The following PXDNL variants were observed in gnomAD, a reference collection of about 807,000 sequenced individuals.
The protein encoded by PXDNL is peroxidasin like.
Under a neutral mutation model 150.8 loss-of-function variants are expected in PXDNL, and 145 were observed. The ratio of observed to expected loss-of-function variants is 0.96; its 90% confidence interval spans 0.84 to 1.10. The LOEUF is 1.10. PXDNL is among the 50% of genes least tolerant of loss of function. PXDNL has a pLI of 0.00. For missense variants in PXDNL, 2,087 were observed against 1,873.9 expected, an observed-to-expected ratio of 1.11 and a Z score of -2.10; for synonymous variants, 757 against 725.7, an observed-to-expected ratio of 1.04 and a Z score of -0.69.
At position 51,409,532 on chromosome 8, in the gene PXDNL, G is replaced by A. The variant is rs958208659; in HGVS notation, c.2092C>T (p.Arg698Cys). 82 of 1,600,586 alleles carry A rather than the reference G, an allele frequency of 5.1e-5. No homozygotes were observed. The highest frequency in any genetic ancestry group is 6.9e-5 in the Non-Finnish European group (81 of 1,173,322). The part of the protein sequence containing the change: ...EFRYNDLVSP[R>C]SLSLIANLSG... ...AAATTGGCGATGAGGCTGAGGGAGCGCGGGGACACCAAGTCATTGTACCGG... is the reference window on the plus strand; with the variant it reads ...AAATTGGCGATGAGGCTGAGGGAGCACGGGGACACCAAGTCATTGTACCGG... Residue 698 changes from arginine (R) to cysteine (C), a missense_variant, in exon 17 of 23, where the codon CGC (arginine) becomes TGC (cysteine). Arg to Cys is a radical substitution (Grantham distance 180). Coordinates refer to ENST00000356297, the MANE Select transcript of PXDNL (RefSeq NM_144651.5).
At chr8:51,731,157 C>T (rs539267687) in intron 1 of PXDNL, among the ~76,000 whole-genome samples, 3 of 152,254 alleles carry the variant, frequency 2.0e-5, no homozygotes, top group Non-Finnish European at 4.4e-5. Flanking sequence ...AAGACAAGTC[C>T]CTTCCACCTA....
chr8:51,792,974 G>A (rs184698878), intron 1 of PXDNL, among the ~76,000 whole-genome samples: 2 of 152,292 alleles, frequency 1.3e-5, no homozygotes, highest in African/African-American at 4.8e-5. Flanking sequence ...TATCCACCAA[G>A]GGGCAGCTAG....
In PXDNL at chr8:51,320,819, A is replaced by G; in HGVS notation, c.4225T>C (p.Trp1409Arg). 2 of 1,613,934 alleles carry G rather than the reference A, an allele frequency of 1.2e-6. No individual in the cohort carries two copies. Among genetic ancestry groups the G allele is most frequent in the Non-Finnish European group, 8.5e-7 (1 of 1,179,836 alleles). The change falls in exon 22 of 23, where the codon TGG becomes CGG. Residue 1409 changes from tryptophan to arginine, a missense_variant. By Grantham distance (101) the Trp-to-Arg change is moderately radical (BLOSUM62 -3). Coordinates refer to ENST00000356297, the MANE Select transcript of PXDNL (RefSeq NM_144651.5). The stretch of plus-strand genomic sequence containing the variant: ...CAGTGAGTGCAGTCTTCTTTCATCC[A>G]GCGCTCCTCGGCCTTCCTTGGAACC... ...RGVPRKAEERWMKEDCTHCIC... is the reference protein window; with the variant it reads ...RGVPRKAEERRMKEDCTHCIC...
At chr8:51,363,561 G>T (rs1167050077) in intron 19 of PXDNL, among the ~76,000 whole-genome samples, 1 of 152,116 alleles carries the variant, frequency 6.6e-6, no homozygotes, top group East Asian at 1.9e-4. Context: ...ACAGGACAGG[G>T]ATTTTCACAG....
In PXDNL at chr8:51,413,329, GCATTACATTTTTAAATGTAATGC is replaced by G; in HGVS notation, c.1796-94_1796-72del. Reference sequence around the variant, plus strand: ...AGTTAGGCATGATATTATATGAATGGCATTACATTTTTAAATGTAATGCCATTACATTTAAAACCTCTAAGACA... The same window carrying G: ...AGTTAGGCATGATATTATATGAATGGCATTACATTTAAAACCTCTAAGACA... On this transcript the variant is annotated intron_variant, in intron 14 of 22. Coordinates refer to ENST00000356297, the MANE Select transcript of PXDNL (RefSeq NM_144651.5). 4 of 841,390 alleles carry G rather than the reference GCATTACATTTTTAAATGTAATGC, an allele frequency of 4.8e-6. No individual in the cohort carries two copies. In the South Asian group the frequency reaches 5.9e-5, roughly 12 times the overall value. 52.1% of individuals were successfully genotyped at this position (841,390 alleles called of 1,614,324 possible).
chr8:51,578,000 AGGAAGGAAGGAAGGAAGGAAGGAAGG>A (rs1813115602), intron 3 of PXDNL, among the ~76,000 whole-genome samples: 18 of 25,458 alleles, frequency 7.1e-4, no homozygotes, highest in African/African-American at 1.9e-3. Context: ...AGAAAGAAAG[AGGAAGGAAGGAAGGAAGGAAGGAAGG>A]AAGGAAGGAA....
At chr8:51,762,381 C>T (rs971999429) in intron 1 of PXDNL, among the ~76,000 whole-genome samples, 1 of 152,114 alleles carries the variant, frequency 6.6e-6, no homozygotes, top group Non-Finnish European at 1.5e-5. Context: ...TCCTTCCTTC[C>T]TAGATCCAGG....
intron 1 of PXDNL, among the ~76,000 whole-genome samples, chr8:51,767,064 T>A (rs113532930): frequency 1.3e-5 from 2 of 152,272 alleles, no homozygotes; most frequent in African/African-American, 4.8e-5. Flanking sequence ...ACATCATTCC[T>A]ATGTCTGTCC....
chr8:51,670,726 T>C (rs1336695199), intron 1 of PXDNL, among the ~76,000 whole-genome samples: 1 of 152,206 alleles, frequency 6.6e-6, no homozygotes, highest in Non-Finnish European at 1.5e-5. Flanking sequence ...TAGATTTTAC[T>C]ATGAGATTTG....
intron 4 of PXDNL, 105 bp from the exon 5 acceptor site, chr8:51,499,875 C>T (rs1385477522): frequency 3.3e-5 from 25 of 754,172 alleles, no homozygotes; most frequent in Admixed American, 1.9e-5. Context: ...TTTCACTGGC[C>T]CCAACCACTA....
chr8:51,371,773 C>A (rs967226933), intron 19 of PXDNL, 100 bp downstream of exon 19: 4 of 1,082,892 alleles, frequency 3.7e-6, no homozygotes, highest in African/African-American at 1.6e-5. Context: ...TGGCTTTTTG[C>A]GTATCTTTCT....
intron 17 of PXDNL, among the ~76,000 whole-genome samples, chr8:51,375,188 C>T (rs948871264): frequency 4.6e-5 from 7 of 150,580 alleles, no homozygotes; most frequent in Admixed American, 1.3e-4. Flanking sequence ...TCATAATTTG[C>T]GGAGATGATA....
intron 17 of PXDNL, among the ~76,000 whole-genome samples, chr8:51,403,173 T>C (rs1001968626): frequency 6.9e-6 from 1 of 145,428 alleles, no homozygotes; most frequent in East Asian, 2.0e-4. Context: ...AAAAAGAAAA[T>C]AATTCATTTT....
intron 1 of PXDNL, among the ~76,000 whole-genome samples, chr8:51,808,521 G>A (rs917090624): frequency 2.0e-5 from 3 of 152,172 alleles, no homozygotes; most frequent in Non-Finnish European, 4.4e-5. Context: ...AAGATGAGAA[G>A]ATAGGATTTG....
Position 51,479,380 on chromosome 8 carries a change from T to G in PXDNL, c.525-4239A>C, listed in dbSNP as rs916462154. Among the ~76,000 whole-genome samples, 3 of 152,108 alleles carry G rather than the reference T, an allele frequency of 2.0e-5. No homozygotes were observed. The South Asian group carries it at 6.2e-4, about 31-fold the overall frequency. ...CAAAAAAGGAGAGAAAACAGACAAG[T>G]AGAAAATAATACACAATATTTCTCC... On this transcript the variant is annotated intron_variant, in intron 6 of 22. Coordinates refer to ENST00000356297, the MANE Select transcript of PXDNL (RefSeq NM_144651.5).
intron 5 of PXDNL, among the ~76,000 whole-genome samples, chr8:51,495,633 C>G (rs1379483129): frequency 6.6e-6 from 1 of 152,198 alleles, no homozygotes; most frequent in African/African-American, 2.4e-5. Context: ...AAACTACCAT[C>G]AGAGAATACT....
At chr8:51,429,543 C>A (rs995435487) in intron 12 of PXDNL, among the ~76,000 whole-genome samples, 2 of 152,054 alleles carry the variant, frequency 1.3e-5, no homozygotes, top group Non-Finnish European at 2.9e-5. Context: ...GCACTCCAGC[C>A]TGGGCGACAG....
rs1586081139 is a variant in PXDNL at position 51,408,684 on chromosome 8, C to G, written c.2940G>C (p.Arg980Ser). The G allele has an allele frequency of 1.9e-6, 3 of 1,596,242 alleles. No individual in the cohort carries two copies. Among genetic ancestry groups the G allele is most frequent in the Non-Finnish European group, 2.6e-6 (3 of 1,171,138 alleles). Reference sequence around the variant, plus strand: ...TCAGGGCGGACAGCTCCGTGGCCATCCTGTTGTGTTCCCGGAACCACAGGG... The same window carrying G: ...TCAGGGCGGACAGCTCCGTGGCCATGCTGTTGTGTTCCCGGAACCACAGGG... The part of the protein sequence containing the change: ...MHTLWFREHN[R>S]MATELSALNP... The change falls in exon 17 of 23, where the codon AGG becomes AGC. Residue 980 changes from arginine (R) to serine (S), a missense_variant. By Grantham distance (110) the Arg-to-Ser change is moderately radical (BLOSUM62 -1). Transcript: ENST00000356297.
intron 1 of PXDNL, among the ~76,000 whole-genome samples, chr8:51,722,443 G>A (rs4326377): frequency 0.69 from 104,682 of 152,170 alleles, 37,265 homozygotes; most frequent in East Asian, 0.82. Flanking sequence ...TTTGCAGTTC[G>A]CAGATGGCTT....
Sources: gnomAD v4.1 joint callset for allele counts (sites outside exome capture counted in the v4.1 genomes callset) on GRCh38, gnomAD v4.1.1 for gene constraint, MANE v1.5 for transcripts, NCBI Gene and HGNC (gene_info 2026-07-23, HGNC 2026-07-21) for gene names.